Variants in OSBPL10 observed in about 807,000 individuals in gnomAD.
OSBPL10 encodes the protein oxysterol-binding protein-related protein 10.
Under a neutral mutation model 81.7 loss-of-function variants are expected in OSBPL10, and 49 were observed. The observed-to-expected ratio is 0.60, with a 90% CI of 0.48 to 0.76. OSBPL10 has a LOEUF of 0.76. OSBPL10 is among the 30% of genes least tolerant of loss of function. OSBPL10 has a pLI of 0.00. For synonymous variants in OSBPL10, 419 were observed against 383.6 expected, an observed-to-expected ratio of 1.09 and a Z score of -1.08; for missense variants, 923 against 987.8, an observed-to-expected ratio of 0.93 and a Z score of 0.88.
intron 2 of OSBPL10, chr3:31,989,600 A>G (rs957241016): frequency 2.5e-6 from 4 of 1,614,078 alleles, no homozygotes; most frequent in Non-Finnish European, 3.4e-6. Flanking sequence ...ACCAAAGGGA[A>G]AGTTGGTAAT....
Position 31,748,012 on chromosome 3 carries a change from C to T in OSBPL10, c.838G>A (p.Ala280Thr), listed in dbSNP as rs200040018. ...CAGCTGAGGGTGGCAGCAGAGGTAG[C>T]TTTCAGGAGCAGCAGGTCCTGGTCC... is the stretch of plus-strand genomic sequence containing the variant. Reference protein sequence around the residue: ...ALDQDLLLLKATSAATLSCLG... With the variant: ...ALDQDLLLLKTTSAATLSCLG... Residue 280 changes from alanine to threonine, a missense_variant, in exon 5 of 12, where the codon GCT becomes ACT. By Grantham distance (58) the Ala-to-Thr change is moderately conservative. Around this residue, in one of 3 missense-constraint regions of OSBPL10, gnomAD observed 514 missense variants for 508.0 expected, o/e 1.01. Transcript: ENST00000396556. 1 of 1,614,176 alleles carries T rather than the reference C, an allele frequency of 6.2e-7. No individual in the cohort carries two copies. Among genetic ancestry groups the T allele is most frequent in the Non-Finnish European group, 8.5e-7 (1 of 1,180,030 alleles).
At chr3:31,924,338 T>C (rs1305298616) in intron 1 of OSBPL10, among the ~76,000 whole-genome samples, 1 of 151,942 alleles carries the variant, frequency 6.6e-6, no homozygotes, top group Non-Finnish European at 1.5e-5. Flanking sequence ...TCCATGGCCA[T>C]CTAGAGGGGA....
intron 10 of OSBPL10, chr3:31,664,495 ATAG>A (rs1338667155): frequency 5.3e-6 from 3 of 567,076 alleles, no homozygotes; most frequent in South Asian, 2.2e-5. Context: ...ATCAAATCTA[ATAG>A]TAGTAGTTGG....
intron 1 of OSBPL10, among the ~76,000 whole-genome samples, chr3:31,939,477 T>A (rs980488688): frequency 6.0e-5 from 9 of 150,784 alleles, no homozygotes; most frequent in African/African-American, 1.9e-4. Context: ...AACAAAAAAA[T>A]TCCCCTCAGA....
At chr3:31,971,142 T>C (rs1261209349) in intron 1 of OSBPL10, among the ~76,000 whole-genome samples, 3 of 48,528 alleles carry the variant, frequency 6.2e-5, no homozygotes, top group African/African-American at 1.2e-3. Context: ...CTTTTTTCTT[T>C]TTTTTTTTTT....
At position 31,829,999 on chromosome 3, in the gene OSBPL10, C is replaced by A. The variant is rs747630088; in HGVS notation, c.729+41G>T. 1.1e-4 allele frequency: 175 copies of A among 1,552,410 alleles called. 5 individuals carry two copies. In the South Asian group the frequency reaches 2.0e-3, roughly 18 times the overall value. ...GCAGAGCGACTGTCACAGCCCCCAACTCCCCGGGGCTGCTTAACCTAGTAG... is the reference window on the plus strand; with the variant it reads ...GCAGAGCGACTGTCACAGCCCCCAAATCCCCGGGGCTGCTTAACCTAGTAG... On this transcript the variant is annotated intron_variant, in intron 4 of 11. Coordinates refer to ENST00000396556, the MANE Select transcript of OSBPL10 (RefSeq NM_017784.5).
At chr3:32,050,391 CTTTGCCA>C (rs1397173379) in intron 1 of OSBPL10, among the ~76,000 whole-genome samples, 1 of 152,194 alleles carries the variant, frequency 6.6e-6, no homozygotes, top group East Asian at 1.9e-4. Flanking sequence ...TCTGTGTGAT[CTTTGCCA>C]TTTGTTGATT....
chr3:31,848,347 C>A (rs956209066), intron 3 of OSBPL10, among the ~76,000 whole-genome samples: 7 of 151,710 alleles, frequency 4.6e-5, no homozygotes, highest in Admixed American at 3.3e-4. Context: ...AAGCCCCCCC[C>A]AGTTAGTTCA....
chr3:31,856,069 T>TAC (rs10576489), intron 3 of OSBPL10, among the ~76,000 whole-genome samples: 7,996 of 134,354 alleles, frequency 0.06, 272 homozygotes, highest in African/African-American at 0.089. Flanking sequence ...ATGTTTATAT[T>TAC]ACACACACAC....
chr3:31,777,377 G>C (rs916751953), intron 4 of OSBPL10, among the ~76,000 whole-genome samples: 4 of 151,882 alleles, frequency 2.6e-5, no homozygotes, highest in Non-Finnish European at 4.4e-5. Context: ...TGAGTGACTC[G>C]CTATTGTCCC....
chr3:31,689,177 A>T (rs1700877874), intron 7 of OSBPL10, among the ~76,000 whole-genome samples: 1 of 152,162 alleles, frequency 6.6e-6, no homozygotes, highest in African/African-American at 2.4e-5. Flanking sequence ...ATGAAAGCAA[A>T]GAAAACCTGA....
At chr3:31,677,308 CA>C (rs1263556190) in intron 8 of OSBPL10, among the ~76,000 whole-genome samples, 1 of 152,154 alleles carries the variant, frequency 6.6e-6, no homozygotes, top group African/African-American at 2.4e-5. Context: ...TTACAGCGGA[CA>C]CATTTTAATT....
intron 3 of OSBPL10, among the ~76,000 whole-genome samples, chr3:31,844,476 A>T (rs1011619066): frequency 1.3e-5 from 2 of 152,262 alleles, no homozygotes; most frequent in Non-Finnish European, 2.9e-5. Flanking sequence ...CATAAAAAGG[A>T]ATGAAGTATT....
chr3:32,014,073 G>C (rs1699290117), intron 2 of OSBPL10, among the ~76,000 whole-genome samples: 1 of 152,162 alleles, frequency 6.6e-6, no homozygotes, highest in Non-Finnish European at 1.5e-5. Flanking sequence ...GAAAAAGAGA[G>C]AATCCTCACT....
chr3:31,987,133 C>T (rs369771653), intron 2 of OSBPL10, among the ~76,000 whole-genome samples: 7 of 145,018 alleles, frequency 4.8e-5, no homozygotes, highest in East Asian at 2.1e-4. Context: ...CACACACACA[C>T]ATATATATAC....
intron 3 of OSBPL10, among the ~76,000 whole-genome samples, chr3:31,847,882 C>T (rs545925700): frequency 5.3e-5 from 8 of 152,074 alleles, no homozygotes; most frequent in Middle Eastern, 3.2e-3. Flanking sequence ...AAGCTGCAGC[C>T]AACCTGCAAG....
chr3:31,852,308 C>CG (rs1468744550), intron 3 of OSBPL10, among the ~76,000 whole-genome samples: 1 of 151,986 alleles, frequency 6.6e-6, no homozygotes, highest in Non-Finnish European at 1.5e-5. Context: ...GGCAGGGGGT[C>CG]GGGGGGAAGG....
chr3:31,804,858 G>A (rs1204636330), intron 4 of OSBPL10, among the ~76,000 whole-genome samples: 1 of 152,088 alleles, frequency 6.6e-6, no homozygotes, highest in Non-Finnish European at 1.5e-5. Context: ...GCTTTGGTTT[G>A]CAATTTTTTT....
intron 1 of OSBPL10, among the ~76,000 whole-genome samples, chr3:31,943,967 CAAAAAAAAAAAAAA>C (rs55770286): frequency 4.2e-4 from 16 of 37,782 alleles, no homozygotes; most frequent in African/African-American, 2.1e-3. Context: ...GACTCCGTCT[CAAAAAAAAAAAAAA>C]AAAAAAAAAA....
Sources: gnomAD v4.1 joint callset for allele counts (sites outside exome capture counted in the v4.1 genomes callset) on GRCh38, gnomAD v4.1.1 for gene constraint, gnomAD v4.1.1 regional missense constraint, MANE v1.5 for transcripts, NCBI Gene and HGNC (gene_info 2026-07-23, HGNC 2026-07-21) for gene names.